EPB41L5: variants seen among roughly 807,000 people sequenced by gnomAD.
EPB41L5 encodes erythrocyte membrane protein band 4.1 like 5.
EPB41L5 carries 55 observed loss-of-function variants against 106.6 expected under a neutral mutation model. The ratio of observed to expected loss-of-function variants is 0.52; its 90% CI spans 0.42 to 0.65. EPB41L5 has a LOEUF of 0.65. Ranked by LOEUF, EPB41L5 falls within the 30% of genes least tolerant of loss-of-function variation. The probability of loss-of-function intolerance (pLI) is 0.00; values close to 1 mark genes in which losing one functional copy is unlikely to be tolerated. For missense variants in EPB41L5, 871 were observed against 882.1 expected, an observed-to-expected ratio of 0.99 and a Z score of 0.16; for synonymous variants, 297 against 306.7, an observed-to-expected ratio of 0.97 and a Z score of 0.33.
chr2:120,124,519 A>G (rs113756451), intron 16 of EPB41L5, among the ~76,000 whole-genome samples: 4 of 152,308 alleles, frequency 2.6e-5, no homozygotes, highest in Admixed American at 6.5e-5. Context: ...GAGAATCCCA[A>G]TGCAGACATG....
chr2:120,045,144 T>A (rs951498793), intron 3 of EPB41L5, among the ~76,000 whole-genome samples: 2 of 152,216 alleles, frequency 1.3e-5, no homozygotes, highest in Non-Finnish European at 2.9e-5. Context: ...GTAAGGTTAA[T>A]GTGCCACATT....
At chr2:120,064,471 A>C (rs567362004) in intron 3 of EPB41L5, among the ~76,000 whole-genome samples, 4 of 152,126 alleles carry the variant, frequency 2.6e-5, no homozygotes, top group Non-Finnish European at 5.9e-5. Flanking sequence ...GAGGGTATGT[A>C]TATGTTAGTG....
At chr2:120,071,979 A>G (rs1681903082) in intron 3 of EPB41L5, among the ~76,000 whole-genome samples, 1 of 152,224 alleles carries the variant, frequency 6.6e-6, no homozygotes, top group South Asian at 2.1e-4. Context: ...AACTATCATC[A>G]GAGCGAACAG....
intron 22 of EPB41L5, among the ~76,000 whole-genome samples, chr2:120,165,969 A>G (rs961730572): frequency 7.2e-4 from 82 of 114,668 alleles, no homozygotes; most frequent in Admixed American, 2.7e-3. Context: ...CTCCGTCTCA[A>G]AAAAAAAAAA....
chr2:120,086,304 C>T (rs536996395), intron 10 of EPB41L5, among the ~76,000 whole-genome samples: 1 of 152,078 alleles, frequency 6.6e-6, no homozygotes, highest in Non-Finnish European at 1.5e-5. Flanking sequence ...ATTAGTCAAT[C>T]GGAGTGTCAC....
intron 21 of EPB41L5, among the ~76,000 whole-genome samples, chr2:120,161,216 A>G (rs1687129663): frequency 6.6e-6 from 1 of 152,094 alleles, no homozygotes; most frequent in Non-Finnish European, 1.5e-5. Context: ...GTCTCTACCA[A>G]TAATACAAAA....
intron 11 of EPB41L5, among the ~76,000 whole-genome samples, chr2:120,088,641 A>G (rs900507494): frequency 1.2e-4 from 18 of 152,354 alleles, no homozygotes; most frequent in South Asian, 4.1e-4. Flanking sequence ...AGGTGTATGT[A>G]TATTTAGCTT....
chr2:120,090,379 ACTGGAT>A lies in EPB41L5; in HGVS notation c.908_913del (p.Leu303_Asp304del), dbSNP rs767368646. 6.2e-7 allele frequency: 1 copy of A among 1,611,492 alleles called. No individual in the cohort carries two copies. ...AACAGGAACATACATTTGTCTTTAG[ACTGGAT>A]CATCCAAAAGCATGCAAACATTTAT... is the stretch of plus-strand genomic sequence containing the variant. On this transcript the variant is annotated inframe_deletion, in exon 12 of 25. Transcript: ENST00000263713.
chr2:120,093,767 G>T (rs1387595552), intron 14 of EPB41L5, among the ~76,000 whole-genome samples: 3 of 152,072 alleles, frequency 2.0e-5, no homozygotes, highest in Non-Finnish European at 4.4e-5. Context: ...TCATTGTCTG[G>T]TTTTTTATGT....
intron 16 of EPB41L5, among the ~76,000 whole-genome samples, chr2:120,107,222 G>C (rs1263745951): frequency 6.6e-6 from 1 of 152,082 alleles, no homozygotes. Flanking sequence ...ATAGTTGTTT[G>C]AGCCATGGTA....
chr2:120,138,617 A>C (rs1030303955), intron 18 of EPB41L5, among the ~76,000 whole-genome samples: 1 of 152,008 alleles, frequency 6.6e-6, no homozygotes, highest in Non-Finnish European at 1.5e-5. Flanking sequence ...CCTAAGAATA[A>C]AAATAATCAA....
At chr2:120,122,905 T>A (rs966417477) in intron 16 of EPB41L5, among the ~76,000 whole-genome samples, 1 of 152,096 alleles carries the variant, frequency 6.6e-6, no homozygotes, top group African/African-American at 2.4e-5. Context: ...TTTACCCAGG[T>A]ATTTTATTCT....
chr2:120,086,581 G>A (rs1683068979), intron 10 of EPB41L5, among the ~76,000 whole-genome samples: 1 of 152,058 alleles, frequency 6.6e-6, no homozygotes, highest in African/African-American at 2.4e-5. Flanking sequence ...GGGCAACGTA[G>A]CGAGATGCCG....
chr2:120,082,926 TA>T (rs1682783920), intron 10 of EPB41L5, among the ~76,000 whole-genome samples: 1 of 152,248 alleles, frequency 6.6e-6, no homozygotes, highest in Non-Finnish European at 1.5e-5. Flanking sequence ...TGGTAGTTTG[TA>T]TTTCTGTGGG....
intron 20 of EPB41L5, among the ~76,000 whole-genome samples, chr2:120,151,210 G>A (rs970657669): frequency 3.9e-5 from 6 of 152,110 alleles, no homozygotes; most frequent in African/African-American, 1.4e-4. Flanking sequence ...TAAGGCAGGA[G>A]AATGGCGTGA....
intron 7 of EPB41L5, among the ~76,000 whole-genome samples, chr2:120,076,352 C>G (rs1348978960): frequency 1.3e-5 from 2 of 151,798 alleles, no homozygotes; most frequent in Non-Finnish European, 2.9e-5. Context: ...CTCTTGTCCC[C>G]AGGCTAGAGG....
intron 3 of EPB41L5, among the ~76,000 whole-genome samples, chr2:120,066,399 TAAC>T: frequency 6.6e-6 from 1 of 152,372 alleles, no homozygotes; most frequent in East Asian, 1.9e-4. Context: ...TAATGTCTAA[TAAC>T]CTGCCTTTTA....
chr2:120,096,110 A>G (rs938167432), intron 14 of EPB41L5, among the ~76,000 whole-genome samples: 2 of 151,830 alleles, frequency 1.3e-5, no homozygotes, highest in Non-Finnish European at 2.9e-5. Context: ...AATCTAATTT[A>G]TTTTTGAATT....
intron 11 of EPB41L5, among the ~76,000 whole-genome samples, chr2:120,089,029 C>T (rs770568415): frequency 5.9e-5 from 9 of 152,064 alleles, no homozygotes; most frequent in Non-Finnish European, 1.2e-4. Flanking sequence ...CCTTTTTCCA[C>T]CACTTTTATT....
Sources: gnomAD v4.1 joint callset for allele counts (sites outside exome capture counted in the v4.1 genomes callset) on GRCh38, gnomAD v4.1.1 for gene constraint, MANE v1.5 for transcripts, NCBI Gene and HGNC (gene_info 2026-07-23, HGNC 2026-07-21) for gene names.